The following MAP3K5 variants were observed in gnomAD, a reference collection of about 807,000 sequenced individuals.
MAP3K5 encodes the protein mitogen-activated protein kinase kinase kinase 5, also known as ASK-1.
Under a neutral mutation model 158.7 loss-of-function variants are expected in MAP3K5, and 56 were observed. The ratio of observed to expected loss-of-function variants is 0.35; its 90% confidence interval spans 0.28 to 0.44. MAP3K5 has a LOEUF of 0.44. MAP3K5 is among the 20% of genes least tolerant of loss of function. MAP3K5 has a pLI of 1.00. For synonymous variants in MAP3K5, 579 were observed against 601.7 expected, an observed-to-expected ratio of 0.96 and a Z score of 0.55; for missense variants, 1,294 against 1,674.8, an observed-to-expected ratio of 0.77 and a Z score of 3.97.
At chr6:136,666,645 C>T (rs1779241671) in intron 8 of MAP3K5, among the ~76,000 whole-genome samples, 1 of 152,112 alleles carries the variant, frequency 6.6e-6, no homozygotes, top group South Asian at 2.1e-4. Context: ...ATTTAACCAA[C>T]TTGTCTTTCC....
intron 14 of MAP3K5, among the ~76,000 whole-genome samples, chr6:136,631,344 A>G (rs1385607030): frequency 6.6e-6 from 1 of 152,186 alleles, no homozygotes; most frequent in Non-Finnish European, 1.5e-5. Context: ...GCACAAAAAT[A>G]GAAATAGGAT....
In MAP3K5 at chr6:136,746,287, A is replaced by G. The variant is rs558175981; in HGVS notation, c.449-25698T>C. On this transcript the variant is annotated intron_variant, in intron 1 of 29. Coordinates refer to ENST00000359015, the MANE Select transcript of MAP3K5 (RefSeq NM_005923.4). ...ATGAAATAAATTTCATAAAATTTTG[A>G]GGGGGGGGCAGGAAAATACAAATAC... Among the ~76,000 whole-genome samples the G allele has an allele frequency of 4.6e-4, 69 of 151,452 alleles. 3 individuals carry two copies. The South Asian group carries it at 0.014, about 30-fold the overall frequency.
At chr6:136,610,776 A>T (rs912659102) in intron 18 of MAP3K5, among the ~76,000 whole-genome samples, 6 of 151,960 alleles carry the variant, frequency 3.9e-5, no homozygotes, top group Non-Finnish European at 7.4e-5. Context: ...AAAAGGGCCA[A>T]ATCAAATTCT....
intron 23 of MAP3K5, among the ~76,000 whole-genome samples, chr6:136,584,896 T>C (rs1007393267): frequency 1.3e-5 from 2 of 152,166 alleles, no homozygotes; most frequent in Admixed American, 1.3e-4. Flanking sequence ...TGTCTACCTA[T>C]AACATGTCCT....
chr6:136,602,162 G>A (rs1442823399), intron 19 of MAP3K5, among the ~76,000 whole-genome samples, 183 bp from the exon 20 acceptor site: 2 of 152,210 alleles, frequency 1.3e-5, no homozygotes, highest in Non-Finnish European at 2.9e-5. Flanking sequence ...TCAACAGAGT[G>A]CCTTGGTACC....
intron 14 of MAP3K5, among the ~76,000 whole-genome samples, chr6:136,629,796 TTTATTTATTTATTTAG>T (rs1777244680): frequency 1.8e-5 from 1 of 55,212 alleles, no homozygotes; most frequent in Non-Finnish European, 4.1e-5. Context: ...TATTTATTTA[TTTATTTATTTATTTAG>T]AGTCTCACTC....
chr6:136,685,188 C>T (rs1288569529), intron 7 of MAP3K5, among the ~76,000 whole-genome samples: 2 of 151,900 alleles, frequency 1.3e-5, no homozygotes, highest in African/African-American at 2.4e-5. Flanking sequence ...CATGGTGGCA[C>T]GCGCCTGTAG....
At chr6:136,644,660 T>C (rs193037603) in intron 11 of MAP3K5, among the ~76,000 whole-genome samples, 131 of 152,272 alleles carry the variant, frequency 8.6e-4, no homozygotes, top group Middle Eastern at 3.4e-3. Context: ...GACAAAAAAA[T>C]AAATTTTGCC....
At chr6:136,733,318 G>A (rs1022225888) in intron 1 of MAP3K5, among the ~76,000 whole-genome samples, 8 of 152,168 alleles carry the variant, frequency 5.3e-5, no homozygotes, top group African/African-American at 1.7e-4. Context: ...AGCATTCGAT[G>A]ATGGTTTAGT....
At chr6:136,606,504 A>G (rs1455974708) in intron 18 of MAP3K5, among the ~76,000 whole-genome samples, 1 of 152,196 alleles carries the variant, frequency 6.6e-6, no homozygotes, top group African/African-American at 2.4e-5. Context: ...TACCCCAGGT[A>G]AACACTTAAG....
Position 136,592,347 on chromosome 6 carries a change from A to C in MAP3K5, c.3057-6T>G. 6.3e-7 allele frequency: 1 copy of C among 1,589,178 alleles called. No individual in the cohort carries two copies. The highest frequency in any genetic ancestry group is 8.6e-7 in the Non-Finnish European group (1 of 1,167,010). ...CAAAATTCTCATCTGGAATGCTGAG[A>C]AAATTTATGCAGCATAAATCACAGT... On this transcript the variant is annotated splice_region_variant and splice_polypyrimidine_tract_variant and intron_variant, in intron 22 of 29. Transcript: ENST00000359015.
intron 15 of MAP3K5, 56 bp from the exon 16 acceptor site, chr6:136,614,342 A>C (rs1776470250): frequency 6.4e-7 from 1 of 1,570,894 alleles, no homozygotes; most frequent in Non-Finnish European, 8.7e-7. Context: ...TTACTGTATA[A>C]ATTTAAACAA....
intron 20 of MAP3K5, 130 bp downstream of exon 20, chr6:136,601,672 C>A (rs1775881412): frequency 1.3e-6 from 1 of 785,660 alleles, no homozygotes; most frequent in African/African-American, 1.7e-5. Flanking sequence ...CCTGAGAACA[C>A]TGTGCTAATA....
At chr6:136,681,793 C>T (rs1040054434) in intron 7 of MAP3K5, among the ~76,000 whole-genome samples, 1 of 152,046 alleles carries the variant, frequency 6.6e-6, no homozygotes, top group Non-Finnish European at 1.5e-5. Flanking sequence ...GTGGCGGGCG[C>T]CTGTAGTCCC....
At chr6:136,630,361 C>T (rs1287100701) in intron 14 of MAP3K5, 1 of 152,184 alleles carries the variant, frequency 6.6e-6, no homozygotes, top group Non-Finnish European at 1.5e-5. Context: ...AGGAATTTCT[C>T]TCCATTTTGT....
At chr6:136,789,279 C>T (rs1044009997) in intron 1 of MAP3K5, among the ~76,000 whole-genome samples, 2 of 152,208 alleles carry the variant, frequency 1.3e-5, no homozygotes, top group African/African-American at 2.4e-5. Context: ...CACTGCACTC[C>T]AGGCTGGGCA....
In MAP3K5 at chr6:136,604,777, T is replaced by TAA. The variant is rs796192414; in HGVS notation, c.2679+430_2679+431dup. Among the ~76,000 whole-genome samples the TAA allele has an allele frequency of 7.6e-3, 909 of 120,336 alleles. 23 individuals are homozygous for TAA. The East Asian group carries it at 0.11, about 14-fold the overall frequency. The allele number at this position is 120,336 out of a possible 152,430, so 78.9% of individuals were successfully genotyped here. The stretch of plus-strand genomic sequence containing the variant: ...AATGGTAATTATGCTCTTTTTTTTT[T>TAA]AAAAAAAATGAAGCCTTCAAACTAT... On this transcript the variant is annotated intron_variant, in intron 19 of 29. Transcript: ENST00000359015.
intron 25 of MAP3K5, among the ~76,000 whole-genome samples, chr6:136,574,980 C>T (rs543910986): frequency 1.2e-3 from 175 of 152,058 alleles, no homozygotes; most frequent in African/African-American, 3.3e-3. Flanking sequence ...TGAGCCACCG[C>T]GCCCGGCCTA....
chr6:136,637,217 TACAG>T (rs950499614), intron 14 of MAP3K5, 104 bp downstream of exon 14: 10 of 1,246,510 alleles, frequency 8.0e-6, no homozygotes, highest in Admixed American at 2.1e-5. Flanking sequence ...AAGGAAAGCC[TACAG>T]ACAGTCTCCT....
Sources: allele counts gnomAD v4.1 joint callset (sites outside exome capture counted in the v4.1 genomes callset), GRCh38; gene constraint gnomAD v4.1.1; transcripts MANE v1.5; gene names NCBI Gene and HGNC (gene_info 2026-07-23, HGNC 2026-07-21).